The following PLEKHG1 variants were observed in gnomAD, a reference collection of about 807,000 sequenced individuals.
PLEKHG1 encodes pleckstrin homology domain-containing family G member 1.
A neutral mutation model predicts 100.8 loss-of-function variants in PLEKHG1; 44 were observed. The observed-to-expected ratio is 0.44, with a 90% confidence interval of 0.34 to 0.56. The LOEUF is 0.56. Among genes scored for constraint, PLEKHG1 ranks in the 20% least tolerant of loss-of-function variants. The probability of loss-of-function intolerance (pLI) is 0.01; values close to 1 mark genes in which losing one functional copy is unlikely to be tolerated. For synonymous variants in PLEKHG1, 640 were observed against 662.5 expected (o/e 0.97, Z 0.52); for missense variants, 1,545 against 1,720.9 (o/e 0.90, Z 1.81).
At chr6:150,677,913 A>C (rs1779812762) in intron 3 of PLEKHG1, among the ~76,000 whole-genome samples, 1 of 150,776 alleles carries the variant, frequency 6.6e-6, no homozygotes, top group South Asian at 2.1e-4. Flanking sequence ...AAGTCAGTAC[A>C]AGTATTATAT....
intron 3 of PLEKHG1, among the ~76,000 whole-genome samples, chr6:150,693,103 C>T (rs1287468597): frequency 1.3e-5 from 2 of 152,118 alleles, no homozygotes; most frequent in Non-Finnish European, 2.9e-5. Flanking sequence ...GCCTGGCCAA[C>T]GTAGTGAAAC....
rs185948065 is a variant in PLEKHG1 at position 150,817,333 on chromosome 6, G to A, written c.1279-850G>A. Among the ~76,000 whole-genome samples, 12 of 152,308 alleles carry A rather than the reference G, an allele frequency of 7.9e-5. No homozygotes were observed. In the East Asian group the frequency reaches 2.3e-3, roughly 29 times the overall value. ...CTGGGGCACACAGAAGAGATGGGAG[G>A]TGCAGGGAGTTGGGGAAACAGAGAG... On this transcript the variant is annotated intron_variant, in intron 10 of 15. Coordinates refer to ENST00000358517, the Ensembl canonical transcript of PLEKHG1.
In PLEKHG1 at chr6:150,777,384, A is replaced by G. The variant is rs554402262; in HGVS notation, c.512+8646A>G. ...TGCGGTTGCACATTACACTGATGCAATCCTGGTGCACATGTGTGGTTGCAC... is the reference window on the plus strand; with the variant it reads ...TGCGGTTGCACATTACACTGATGCAGTCCTGGTGCACATGTGTGGTTGCAC... On this transcript the variant is annotated intron_variant, in intron 3 of 15. Transcript: ENST00000358517. Among the ~76,000 whole-genome samples the G allele has an allele frequency of 4.2e-3, 588 of 138,474 alleles. 8 individuals are homozygous for G. Among genetic ancestry groups the G allele is most frequent in the African/African-American group, 0.016 (558 of 35,794 alleles). 90.8% of individuals were successfully genotyped at this position (138,474 alleles called of 152,430 possible).
At chr6:150,606,637 C>A (rs1049445199) in intron 1 of PLEKHG1, among the ~76,000 whole-genome samples, 1 of 152,180 alleles carries the variant, frequency 6.6e-6, no homozygotes, top group Non-Finnish European at 1.5e-5. Flanking sequence ...CACTTTAGAG[C>A]CTGTTGACCC....
intron 14 of PLEKHG1, chr6:150,827,523 G>A (rs978789007): frequency 9.1e-5 from 49 of 536,964 alleles, no homozygotes; most frequent in Non-Finnish European, 1.5e-4. Flanking sequence ...TGATTCGCCC[G>A]CCTCTGCCTT....
intron 3 of PLEKHG1, among the ~76,000 whole-genome samples, chr6:150,694,708 A>AT (rs1230546765): frequency 1.8e-4 from 27 of 151,558 alleles, no homozygotes; most frequent in African/African-American, 2.4e-4. Context: ...AAAAAAAAAA[A>AT]AAATAAAAAT....
chr6:150,840,926 T>C, exon 16 of PLEKHG1: 1 of 1,510,164 alleles, frequency 6.6e-7, no homozygotes, highest in Non-Finnish European at 9.2e-7. Flanking sequence ...TTGAATCAAC[T>C]TCTTATTTTG....
At chr6:150,626,569 T>C (rs1350357692) in intron 1 of PLEKHG1, among the ~76,000 whole-genome samples, 1 of 152,220 alleles carries the variant, frequency 6.6e-6, no homozygotes, top group Non-Finnish European at 1.5e-5. Flanking sequence ...TAATTCACAT[T>C]TTCTGATGCT....
rs542739108 is a variant in PLEKHG1 at position 150,819,663 on chromosome 6, G to C, written c.1313-16G>C. 662 of 1,503,476 alleles carry C rather than the reference G, an allele frequency of 4.4e-4. 17 individuals carry two copies. The South Asian group carries it at 7.2e-3, about 16-fold the overall frequency. 93.1% of individuals were successfully genotyped at this position (1,503,476 alleles called of 1,614,324 possible). A position where few individuals can be genotyped will look rare whatever the true frequency, so the allele number is the denominator to read the frequency against. ...TGACACCACAGTCCCACTGATGCACGTGGTTATCTTTACAGATCATCCAGG... is the reference window on the plus strand; with the variant it reads ...TGACACCACAGTCCCACTGATGCACCTGGTTATCTTTACAGATCATCCAGG... On this transcript the variant is annotated splice_polypyrimidine_tract_variant and intron_variant, in intron 11 of 15. Transcript: ENST00000358517.
chr6:150,723,584 T>C (rs1562462491), intron 1 of PLEKHG1, among the ~76,000 whole-genome samples: 1 of 152,194 alleles, frequency 6.6e-6, no homozygotes, highest in African/African-American at 2.4e-5. Context: ...ATCTCTGCTT[T>C]TTTTTCCCCA....
At chr6:150,735,625 C>A (rs1400307771) in intron 2 of PLEKHG1, among the ~76,000 whole-genome samples, 1 of 152,082 alleles carries the variant, frequency 6.6e-6, no homozygotes, top group Non-Finnish European at 1.5e-5. Flanking sequence ...TAAAGTAGGC[C>A]TGTTTTTTAA....
At chr6:150,659,542 A>G (rs1295033434) in intron 3 of PLEKHG1, among the ~76,000 whole-genome samples, 1 of 152,204 alleles carries the variant, frequency 6.6e-6, no homozygotes, top group Non-Finnish European at 1.5e-5. Context: ...TATGTATACA[A>G]TGCCTGCCAT....
exon 16 of PLEKHG1, chr6:150,840,180 G>T: frequency 6.2e-7 from 1 of 1,614,198 alleles, no homozygotes; most frequent in Non-Finnish European, 8.5e-7. Context: ...ATGCAGCGTG[G>T]TAGTAAGTCA....
intron 3 of PLEKHG1, chr6:150,651,312 C>A (rs1323227153): frequency 6.6e-6 from 1 of 152,230 alleles, no homozygotes; most frequent in Non-Finnish European, 1.5e-5. Context: ...TCTGAGCTCA[C>A]TGCAACCTCC....
chr6:150,792,819 AG>A (rs1786077518), intron 4 of PLEKHG1, among the ~76,000 whole-genome samples: 1 of 152,162 alleles, frequency 6.6e-6, no homozygotes, highest in South Asian at 2.1e-4. Flanking sequence ...CAGAAGGAAT[AG>A]GGGCTCCATG....
At chr6:150,842,792 C>A (rs1272975126) in exon 16 of PLEKHG1, 1 of 152,218 alleles carries the variant, frequency 6.6e-6, no homozygotes, top group African/African-American at 2.4e-5. Context: ...TGGCTCACTG[C>A]AGCCTCCACC....
exon 16 of PLEKHG1, chr6:150,840,542 C>T (rs890435542): frequency 1.2e-6 from 2 of 1,614,100 alleles, no homozygotes; most frequent in Admixed American, 3.3e-5. Context: ...ATTATTTTTC[C>T]AATTTCAAAG....
At chr6:150,671,438 G>A (rs1194128443) in intron 3 of PLEKHG1, among the ~76,000 whole-genome samples, 1 of 152,182 alleles carries the variant, frequency 6.6e-6, no homozygotes. Flanking sequence ...CCTTAAAAGA[G>A]GAAAGGACAG....
rs1040066752 is a variant in PLEKHG1 at position 150,665,456 on chromosome 6, C to T, written c.-99+14670C>T. Among the ~76,000 whole-genome samples the T allele has an allele frequency of 3.3e-5, 5 of 151,978 alleles. No homozygotes were observed. The South Asian group carries it at 8.3e-4, about 25-fold the overall frequency. On this transcript the variant is annotated intron_variant, in intron 3 of 3. Transcript: ENST00000367326. ...CCAGCCTGGCTAACACGGTGAAACC[C>T]TGTCTCTACAAAAAATACAAAAAAT...
Sources: gnomAD v4.1 joint callset for allele counts (sites outside exome capture counted in the v4.1 genomes callset) on GRCh38, gnomAD v4.1.1 for gene constraint, MANE v1.5 for transcripts, NCBI Gene and HGNC (gene_info 2026-07-23, HGNC 2026-07-21) for gene names.